Variants in SLC25A21 observed in about 807,000 individuals in gnomAD.
The protein encoded by SLC25A21 is mitochondrial 2-oxodicarboxylate carrier.
SLC25A21 carries 47 observed loss-of-function variants against 43.8 expected under a neutral mutation model. The ratio of observed to expected loss-of-function variants is 1.07; its 90% CI spans 0.85 to 1.37. The LOEUF is 1.37. SLC25A21 is among the 40% of genes most tolerant of loss of function. The pLI is 0.00. For synonymous variants in SLC25A21, 131 were observed against 121.3 expected (o/e 1.08, Z -0.52); for missense variants, 352 against 350.2 (o/e 1.00, Z -0.04).
chr14:36,855,983 A>C (rs1197840455), intron 2 of SLC25A21, among the ~76,000 whole-genome samples: 1 of 152,150 alleles, frequency 6.6e-6, no homozygotes, highest in African/African-American at 2.4e-5. Flanking sequence ...GATCCTGCTA[A>C]AACAGTCTAC....
At chr14:36,869,706 G>A (rs888707371) in intron 2 of SLC25A21, among the ~76,000 whole-genome samples, 2 of 152,124 alleles carry the variant, frequency 1.3e-5, no homozygotes, top group South Asian at 2.1e-4. Flanking sequence ...TAGGAGAGTG[G>A]CCCCATACCA....
intron 1 of SLC25A21, among the ~76,000 whole-genome samples, chr14:37,151,139 G>A (rs1466545008): frequency 6.6e-6 from 1 of 152,106 alleles, no homozygotes; most frequent in African/African-American, 2.4e-5. Flanking sequence ...TCTCCAAAGA[G>A]GAGGCTATAC....
intron 1 of SLC25A21, among the ~76,000 whole-genome samples, chr14:36,905,611 C>T (rs1014296513): frequency 6.6e-6 from 1 of 151,798 alleles, no homozygotes; most frequent in Non-Finnish European, 1.5e-5. Context: ...CACTTGATTA[C>T]CCCGAAGGGA....
At chr14:36,751,716 T>C (rs755706225) in intron 3 of SLC25A21, among the ~76,000 whole-genome samples, 4 of 152,216 alleles carry the variant, frequency 2.6e-5, no homozygotes, top group Admixed American at 2.0e-4. Flanking sequence ...AATTTCATCA[T>C]TGAAATAGTA....
At chr14:36,821,009 C>T (rs1371450099) in intron 2 of SLC25A21, among the ~76,000 whole-genome samples, 2 of 152,180 alleles carry the variant, frequency 1.3e-5, no homozygotes, top group Non-Finnish European at 1.5e-5. Flanking sequence ...TGTAATTAGC[C>T]TTTCTTACTG....
intron 1 of SLC25A21, among the ~76,000 whole-genome samples, chr14:36,992,239 A>T (rs1318651220): frequency 6.6e-6 from 1 of 152,060 alleles, no homozygotes; most frequent in Non-Finnish European, 1.5e-5. Context: ...ACCACTACCC[A>T]ATCCCCAAGA....
At chr14:37,089,525 A>C (rs1962544772) in intron 1 of SLC25A21, among the ~76,000 whole-genome samples, 1 of 152,214 alleles carries the variant, frequency 6.6e-6, no homozygotes, top group Non-Finnish European at 1.5e-5. Flanking sequence ...CCCAACTTTC[A>C]AAAACGTTTC....
At chr14:36,994,849 T>C (rs775223117) in intron 1 of SLC25A21, among the ~76,000 whole-genome samples, 1 of 152,172 alleles carries the variant, frequency 6.6e-6, no homozygotes, top group South Asian at 2.1e-4. Flanking sequence ...CCAACATTAT[T>C]TAGCTCTTGA....
chr14:37,035,963 T>C (rs1056159381), intron 1 of SLC25A21, among the ~76,000 whole-genome samples: 1 of 152,234 alleles, frequency 6.6e-6, no homozygotes, highest in Non-Finnish European at 1.5e-5. Context: ...TACACTGCTA[T>C]ACCCAGATGT....
chr14:36,839,878 G>A (rs1889328466), intron 2 of SLC25A21, among the ~76,000 whole-genome samples: 1 of 152,222 alleles, frequency 6.6e-6, no homozygotes, highest in Non-Finnish European at 1.5e-5. Context: ...AAGTATCTGT[G>A]TATCTAAATA....
chr14:36,816,281 A>G (rs1476270592), intron 2 of SLC25A21, among the ~76,000 whole-genome samples: 1 of 152,162 alleles, frequency 6.6e-6, no homozygotes, highest in Non-Finnish European at 1.5e-5. Flanking sequence ...TCTTTGCAAT[A>G]AAAATCTCTA....
intron 1 of SLC25A21, among the ~76,000 whole-genome samples, chr14:37,146,583 T>C (rs985086007): frequency 6.6e-6 from 1 of 152,146 alleles, no homozygotes; most frequent in African/African-American, 2.4e-5. Context: ...GCTAATAGTC[T>C]ACTGATAAAG....
intron 1 of SLC25A21, among the ~76,000 whole-genome samples, chr14:36,937,450 G>A (rs1196536339): frequency 1.3e-5 from 2 of 152,212 alleles, no homozygotes; most frequent in African/African-American, 4.8e-5. Flanking sequence ...ATAGTAGAGA[G>A]TGACATTGGT....
intron 3 of SLC25A21, among the ~76,000 whole-genome samples, chr14:36,808,185 A>G (rs544700540): frequency 6.6e-5 from 10 of 152,330 alleles, no homozygotes; most frequent in African/African-American, 2.4e-4. Flanking sequence ...AGCTAAGCTT[A>G]ATCTGACCTA....
intron 3 of SLC25A21, among the ~76,000 whole-genome samples, chr14:36,805,246 A>G (rs910970908): frequency 2.0e-5 from 3 of 152,188 alleles, no homozygotes; most frequent in East Asian, 1.9e-4. Context: ...GGCAACAGTT[A>G]AATCCTTGCC....
intron 3 of SLC25A21, among the ~76,000 whole-genome samples, chr14:36,786,662 A>C (rs891242233): frequency 5.9e-5 from 9 of 152,156 alleles, no homozygotes; most frequent in Admixed American, 3.3e-4. Context: ...TTTTCTCTTG[A>C]AGCAAAGAGG....
At chr14:36,822,215 A>G (rs1888662341) in intron 2 of SLC25A21, among the ~76,000 whole-genome samples, 1 of 152,266 alleles carries the variant, frequency 6.6e-6, no homozygotes, top group Non-Finnish European at 1.5e-5. Flanking sequence ...TAGGCCTGGC[A>G]TCAATTAACA....
intron 1 of SLC25A21, among the ~76,000 whole-genome samples, chr14:37,045,884 G>A (rs755363297): frequency 6.6e-6 from 1 of 152,250 alleles, no homozygotes; most frequent in Admixed American, 6.5e-5. Context: ...CATAGTACTT[G>A]GGAATATGCT....
chr14:36,893,118 C>T (rs573671044), intron 1 of SLC25A21, among the ~76,000 whole-genome samples: 2 of 152,272 alleles, frequency 1.3e-5, no homozygotes, highest in South Asian at 2.1e-4. Flanking sequence ...CCTGAGGAAT[C>T]GCCACACTGA....
Sources: allele counts gnomAD v4.1 joint callset (sites outside exome capture counted in the v4.1 genomes callset), GRCh38; gene constraint gnomAD v4.1.1; transcripts MANE v1.5; gene names NCBI Gene and HGNC (gene_info 2026-07-23, HGNC 2026-07-21).